CNKSR1: variants seen among roughly 807,000 people sequenced by gnomAD.
The protein encoded by CNKSR1 is connector enhancer of kinase suppressor of Ras 1, also known as CNK homolog protein 1.
A neutral mutation model predicts 95.6 loss-of-function variants in CNKSR1; 88 were observed. That is an observed-to-expected ratio of 0.92 (90% CI 0.78 to 1.10). The LOEUF (loss-of-function observed/expected upper bound fraction) is 1.10. Among genes scored for constraint, CNKSR1 ranks in the 50% least tolerant of loss-of-function variants. The pLI is 0.00. For synonymous variants in CNKSR1, 355 were observed against 369.7 expected, an observed-to-expected ratio of 0.96 and a Z score of 0.46; for missense variants, 836 against 912.0, an observed-to-expected ratio of 0.92 and a Z score of 1.07.
At chr1:26,181,425 G>A (rs1000138432) in intron 3 of CNKSR1, among the ~76,000 whole-genome samples, 6 of 151,752 alleles carry the variant, frequency 4.0e-5, no homozygotes, top group Non-Finnish European at 1.5e-5. Context: ...TGAATGGAGA[G>A]CCTCCCCAAC....
intron 14 of CNKSR1, among the ~76,000 whole-genome samples, chr1:26,186,597 C>T (rs552098188): frequency 2.0e-5 from 3 of 152,358 alleles, no homozygotes; most frequent in Non-Finnish European, 4.4e-5. Context: ...ACTTCAGCCT[C>T]CCGAGTAGCT....
chr1:26,181,306 A>T (rs1273686114), intron 3 of CNKSR1, among the ~76,000 whole-genome samples: 1 of 144,600 alleles, frequency 6.9e-6, no homozygotes, highest in Non-Finnish European at 1.5e-5. Flanking sequence ...AAAAAAAAAG[A>T]TATGGTGGAG....
rs185080044 is a variant in CNKSR1, at chr1:26,189,831, T to C, written c.*283T>C. The C allele has an allele frequency of 3.1e-6, 2 of 649,488 alleles. No individual in the cohort carries two copies. The highest frequency in any genetic ancestry group is 2.2e-5 in the Admixed American group (1 of 44,836). The allele number at this position is 649,488 out of a possible 1,614,324, so 40.2% of individuals were successfully genotyped here. ...CCAAACCAGGTCTGTACAGGTGTTC[T>C]TTATTTTACATGAGGGCTACTTTCC... On this transcript the variant is annotated 3_prime_UTR_variant, in exon 21 of 21. Coordinates refer to ENST00000361530, the MANE Select transcript of CNKSR1 (RefSeq NM_006314.3).
intron 3 of CNKSR1, among the ~76,000 whole-genome samples, chr1:26,181,362 A>G (rs11247863): frequency 0.17 from 25,260 of 150,028 alleles, 3,445 homozygotes; most frequent in East Asian, 0.64. Flanking sequence ...CTGGGATGCC[A>G]GAGTTCCCAC....
chr1:26,186,906 A>G (rs1569886496), intron 14 of CNKSR1: 1 of 463,246 alleles, frequency 2.2e-6, no homozygotes, highest in Non-Finnish European at 3.9e-6. Flanking sequence ...CCCGGCCTTC[A>G]GGCTCCTCTT....
At chr1:26,182,324 C>A in intron 4 of CNKSR1, 37 bp from the exon 5 acceptor site, 2 of 1,611,104 alleles carry the variant, frequency 1.2e-6, no homozygotes, top group Non-Finnish European at 1.7e-6. Context: ...ATGGCCCTTG[C>A]TCAGGGGAGG....
At chr1:26,183,975 C>G (rs753770854) in intron 9 of CNKSR1, 96 bp from the exon 10 acceptor site, 3 of 707,786 alleles carry the variant, frequency 4.2e-6, no homozygotes, top group South Asian at 1.5e-5. Flanking sequence ...CAGACCCCCC[C>G]ACAGGTACCT....
intron 14 of CNKSR1, among the ~76,000 whole-genome samples, chr1:26,186,141 C>T (rs1172817859): frequency 6.6e-6 from 1 of 152,184 alleles, no homozygotes; most frequent in Non-Finnish European, 1.5e-5. Flanking sequence ...CTGAGGAGTC[C>T]AGATGCCCCC....
At chr1:26,188,144 T>A in intron 16 of CNKSR1, 90 bp from the exon 17 acceptor site, 1 of 1,075,860 alleles carries the variant, frequency 9.3e-7, no homozygotes, top group Non-Finnish European at 1.4e-6. Flanking sequence ...GCTCTGAGGA[T>A]CATTAGAAGA....
Position 26,188,638 on chromosome 1 carries a change from C to A in CNKSR1, c.1631C>A (p.Thr544Lys), listed in dbSNP as rs1557625782. The A allele has an allele frequency of 6.2e-7, 1 of 1,613,882 alleles. No individual in the cohort carries two copies. The highest frequency in any genetic ancestry group is 1.7e-5 in the Admixed American group (1 of 60,018). ...AQAGSPLHGD[T>K]SPAATPTQRS... Reference sequence around the variant, plus strand: ...GCTGGGAGTCCCCTCCATGGAGACACATCACCTGCAGCCACCCCCACACAG... The same window carrying A: ...GCTGGGAGTCCCCTCCATGGAGACAAATCACCTGCAGCCACCCCCACACAG... Residue 544 changes from threonine (T) to lysine (K), a missense_variant, in exon 19 of 21, where the codon ACA (threonine) becomes AAA (lysine). Thr to Lys is a moderately conservative substitution (Grantham distance 78). Coordinates refer to ENST00000361530, the MANE Select transcript of CNKSR1 (RefSeq NM_006314.3).
intron 3 of CNKSR1, 85 bp downstream of exon 3, chr1:26,180,981 C>T (rs1362016583): frequency 1.9e-6 from 3 of 1,550,764 alleles, no homozygotes; most frequent in Non-Finnish European, 2.7e-6. Flanking sequence ...GATCTTGGCT[C>T]TTGTTCAGAT....
intron 1 of CNKSR1, 116 bp from the exon 2 acceptor site, chr1:26,180,337 G>A (rs1338610642): frequency 7.8e-6 from 10 of 1,279,506 alleles, no homozygotes; most frequent in Non-Finnish European, 1.0e-5. Flanking sequence ...CAGCCTGGGT[G>A]TCAGAGTTGT....
Position 26,181,961 on chromosome 1 carries a change from G to C in CNKSR1, c.477+20G>C. ...CATGAGGTAGGAGAACCAAGGGCCA[G>C]GCTTGGCCCATGCCCTAGAGACCAA... On this transcript the variant is annotated intron_variant, in intron 4 of 20. Transcript: ENST00000361530. 1 of 1,608,702 alleles carries C rather than the reference G, an allele frequency of 6.2e-7. No individual in the cohort carries two copies. Among genetic ancestry groups the C allele is most frequent in the Non-Finnish European group, 8.5e-7 (1 of 1,175,206 alleles).
At chr1:26,184,004 C>A in intron 9 of CNKSR1, 67 bp from the exon 10 acceptor site, 2 of 1,058,006 alleles carry the variant, frequency 1.9e-6, no homozygotes, top group Non-Finnish European at 2.9e-6. Flanking sequence ...TGCTCCCCTA[C>A]CCCTGTTGCC....
At chr1:26,178,115 GC>G (rs1181300717) in intron 1 of CNKSR1, among the ~76,000 whole-genome samples, 1 of 152,232 alleles carries the variant, frequency 6.6e-6, no homozygotes, top group African/African-American at 2.4e-5. Context: ...CCAGAAGGGG[GC>G]CCCTCATCAT....
rs1345362401 is a variant in CNKSR1 at position 26,183,227 on chromosome 1, C to T, written c.655C>T (p.Gln219Ter). Reference protein sequence around the residue: ...GLEIHTTSNCQHFVSQVDTQV... With the variant: ...GLEIHTTSNC ...AGAAATTCACACCACCAGCAATTGC[C>T]AGCACTTTGTGTCCCAAGTGGACAC... The change falls in exon 7 of 21, where the codon CAG (glutamine) becomes TAG (stop). Residue 219 changes from glutamine to a stop codon, truncating the protein, a stop_gained. Transcript: ENST00000361530. LOFTEE classifies it high-confidence loss of function. 6 of 1,614,022 alleles carry T rather than the reference C, an allele frequency of 3.7e-6. No homozygotes were observed. The Admixed American group carries it at 8.3e-5, about 22-fold the overall frequency.
chr1:26,189,178 T>A, intron 20 of CNKSR1, 101 bp from the exon 21 acceptor site: 1 of 1,469,328 alleles, frequency 6.8e-7, no homozygotes, highest in Non-Finnish European at 9.5e-7. Context: ...GCTGGCCAGG[T>A]GCTGGCTTCC....
intron 8 of CNKSR1, 143 bp from the exon 9 acceptor site, chr1:26,183,586 C>T (rs1230528070): frequency 1.4e-5 from 14 of 987,562 alleles, no homozygotes; most frequent in Non-Finnish European, 2.1e-5. Flanking sequence ...GGTGATGGGG[C>T]CCATGGAAGC....
In CNKSR1 at chr1:26,182,578, T is replaced by C; in HGVS notation, c.618T>C (p.Ser206=). ...KAVLEQVQLD[S]PLGLEIHTTS... The stretch of plus-strand genomic sequence containing the variant: ...TGCTCGAGCAGGTGCAGCTGGACAG[T>C]CCATTGGTGAGCCCTGCCCTCCCAC... Residue 206 remains serine (S), a synonymous_variant, in exon 6 of 21, where the codon AGT becomes AGC. Coordinates refer to ENST00000361530, the MANE Select transcript of CNKSR1 (RefSeq NM_006314.3). 1 of 1,612,302 alleles carries C rather than the reference T, an allele frequency of 6.2e-7. No homozygotes were observed. The highest frequency in any genetic ancestry group is 8.5e-7 in the Non-Finnish European group (1 of 1,179,756).
Sources: gnomAD v4.1 joint callset for allele counts (sites outside exome capture counted in the v4.1 genomes callset) on GRCh38, gnomAD v4.1.1 for gene constraint, MANE v1.5 for transcripts, NCBI Gene and HGNC (gene_info 2026-07-23, HGNC 2026-07-21) for gene names.